The following ZNF566 variants were observed in gnomAD, a reference collection of about 807,000 sequenced individuals.
ZNF566 encodes the protein zinc finger protein 566.
In ZNF566, 27 loss-of-function variants were observed where a neutral mutation model predicts 32.8. That is an observed-to-expected ratio of 0.82 (90% CI 0.61 to 1.14). ZNF566 has a LOEUF of 1.14. Ranked by LOEUF, ZNF566 falls within the 50% of genes most tolerant of loss-of-function variation. The pLI, the probability that ZNF566 is intolerant of heterozygous loss-of-function variation, is 0.00. For missense variants in ZNF566, 402 were observed against 490.4 expected, an observed-to-expected ratio of 0.82 and a Z score of 1.70; for synonymous variants, 154 against 159.5, an observed-to-expected ratio of 0.97 and a Z score of 0.26.
At chr19:36,473,879 A>G (rs2912422) in intron 2 of ZNF566, among the ~76,000 whole-genome samples, 83,272 of 151,996 alleles carry the variant, frequency 0.55, 23,227 homozygotes, top group African/African-American at 0.62. Context: ...ATTAAAAGCC[A>G]CCAGAGAGAA....
chr19:36,488,640 G>A (rs761508043), intron 1 of ZNF566, among the ~76,000 whole-genome samples: 4 of 152,092 alleles, frequency 2.6e-5, no homozygotes, highest in Non-Finnish European at 4.4e-5. Flanking sequence ...ATAACTAATA[G>A]GGCATCATTA....
chr19:36,469,477 T>C (rs2033709166), intron 4 of ZNF566, among the ~76,000 whole-genome samples: 3 of 151,668 alleles, frequency 2.0e-5, no homozygotes, highest in African/African-American at 7.3e-5. Context: ...GAGGTGGAGG[T>C]TGCAGTGAGC....
In ZNF566 at chr19:36,463,732, GT is replaced by G. The variant is rs201770124; in HGVS notation, c.232+9178del. On this transcript the variant is annotated intron_variant, in intron 4 of 4. Coordinates refer to ENST00000452939, the MANE Select transcript of ZNF566 (RefSeq NM_001145344.1). ...TAATTTTTGTGTTTGCTTTTTTTGG[GT>G]TTTTTTTTTTGAGACAGAGTCTCAC... Among the ~76,000 whole-genome samples the G allele has an allele frequency of 3.6e-3, 507 of 140,960 alleles. 4 individuals are homozygous for G. The highest frequency in any genetic ancestry group is 0.012 in the African/African-American group (461 of 38,602). The allele number at this position is 140,960 out of a possible 152,430, so 92.5% of individuals were successfully genotyped here. A position where few individuals can be genotyped will look rare whatever the true frequency, so the allele number is the denominator to read the frequency against.
Position 36,473,227 on chromosome 19 carries a change from A to G in ZNF566, c.136+105T>C, listed in dbSNP as rs1057192836. ...ATTCAGAACATTCCTGTGGAACAGG[A>G]TATCAAAATTCGACTGGTTTTTGAA... On this transcript the variant is annotated intron_variant, in intron 3 of 4. Coordinates refer to ENST00000452939, the MANE Select transcript of ZNF566 (RefSeq NM_001145344.1). The G allele has an allele frequency of 5.1e-5, 70 of 1,378,940 alleles. 1 individual carries two copies. The African/African-American group carries it at 9.3e-4, about 18-fold the overall frequency. 85.4% of individuals were successfully genotyped at this position (1,378,940 alleles called of 1,614,324 possible). A position where few individuals can be genotyped will look rare whatever the true frequency, so the allele number is the denominator to read the frequency against.
intron 4 of ZNF566, among the ~76,000 whole-genome samples, chr19:36,463,275 C>G (rs2033523750): frequency 1.3e-5 from 2 of 152,066 alleles, no homozygotes; most frequent in African/African-American, 2.4e-5. Context: ...TACACTCCAG[C>G]TGGAATTATC....
intron 1 of ZNF566, among the ~76,000 whole-genome samples, chr19:36,480,364 A>G (rs1430378917): frequency 6.8e-6 from 1 of 146,818 alleles, no homozygotes; most frequent in African/African-American, 2.5e-5. Context: ...GGTTTACTGT[A>G]ACCTCTGCCT....
At chr19:36,479,255 C>T (rs768327595) in intron 1 of ZNF566, among the ~76,000 whole-genome samples, 5 of 151,600 alleles carry the variant, frequency 3.3e-5, no homozygotes, top group Non-Finnish European at 5.9e-5. Context: ...TAATAGGGCA[C>T]GATGAAGAAA....
chr19:36,457,613 T>C (rs1351750975), intron 4 of ZNF566, among the ~76,000 whole-genome samples: 8 of 152,172 alleles, frequency 5.3e-5, no homozygotes, highest in African/African-American at 9.6e-5. Context: ...ACCTCATTGC[T>C]GGTTACTGTG....
intron 1 of ZNF566, among the ~76,000 whole-genome samples, chr19:36,482,243 C>A (rs891530655): frequency 2.6e-5 from 4 of 152,162 alleles, no homozygotes; most frequent in African/African-American, 9.7e-5. Flanking sequence ...GTAGCTGGGA[C>A]TACAGGCGCC....
At chr19:36,454,871 C>T (rs542210683) in intron 4 of ZNF566, among the ~76,000 whole-genome samples, 15 of 152,292 alleles carry the variant, frequency 9.8e-5, no homozygotes, top group African/African-American at 3.6e-4. Context: ...CACTTCCAAA[C>T]TCATTTTATG....
At chr19:36,471,491 C>G (rs960333038) in intron 4 of ZNF566, among the ~76,000 whole-genome samples, 3 of 152,144 alleles carry the variant, frequency 2.0e-5, no homozygotes, top group South Asian at 4.1e-4. Flanking sequence ...ATTCCTCCAT[C>G]TGGAGTGGTC....
chr19:36,466,405 T>C (rs2033614348), intron 4 of ZNF566, among the ~76,000 whole-genome samples: 1 of 152,168 alleles, frequency 6.6e-6, no homozygotes, highest in African/African-American at 2.4e-5. Flanking sequence ...TAAGTTGGTT[T>C]CAACCAACTG....
chr19:36,470,523 A>C (rs1392203646), intron 4 of ZNF566, among the ~76,000 whole-genome samples: 2 of 152,152 alleles, frequency 1.3e-5, no homozygotes, highest in South Asian at 4.1e-4. Flanking sequence ...CCATCACTGT[A>C]TCTCAACCAG....
intron 4 of ZNF566, among the ~76,000 whole-genome samples, chr19:36,464,929 C>CTGT (rs1474627557): frequency 6.6e-6 from 1 of 152,158 alleles, no homozygotes; most frequent in Non-Finnish European, 1.5e-5. Context: ...CAAAGAATTA[C>CTGT]TGTTCTTCAA....
chr19:36,451,980 C>T (rs2033169619), intron 4 of ZNF566, among the ~76,000 whole-genome samples: 1 of 151,764 alleles, frequency 6.6e-6, no homozygotes, highest in Non-Finnish European at 1.5e-5. Flanking sequence ...GCACTCCAGC[C>T]TAGGGAACAG....
At chr19:36,480,115 G>A (rs547396516) in intron 1 of ZNF566, among the ~76,000 whole-genome samples, 33 of 152,108 alleles carry the variant, frequency 2.2e-4, no homozygotes, top group African/African-American at 7.2e-4. Context: ...TATAATAGCC[G>A]AGATAGCTTG....
chr19:36,470,708 C>T (rs565153685), intron 4 of ZNF566, among the ~76,000 whole-genome samples: 6 of 151,824 alleles, frequency 4.0e-5, no homozygotes, highest in South Asian at 4.2e-4. Flanking sequence ...GTCAGGATTT[C>T]GAGACCAGCC....
chr19:36,473,694 AC>A (rs1261233287), intron 2 of ZNF566, among the ~76,000 whole-genome samples: 7 of 152,206 alleles, frequency 4.6e-5, no homozygotes, highest in Non-Finnish European at 7.3e-5. Flanking sequence ...CATTATCCAA[AC>A]AAGGTTGGGA....
At chr19:36,482,782 C>T (rs1027046295) in intron 1 of ZNF566, among the ~76,000 whole-genome samples, 10 of 152,152 alleles carry the variant, frequency 6.6e-5, no homozygotes, top group African/African-American at 2.4e-4. Context: ...TGATGGGAGA[C>T]AATTCTCCAT....
Sources: gnomAD v4.1 joint callset for allele counts (sites outside exome capture counted in the v4.1 genomes callset) on GRCh38, gnomAD v4.1.1 for gene constraint, MANE v1.5 for transcripts, NCBI Gene and HGNC (gene_info 2026-07-23, HGNC 2026-07-21) for gene names.